GPC6: variants seen among roughly 807,000 people sequenced by gnomAD.
The protein encoded by GPC6 is glypican 6, also known as glypican-6.
In GPC6, 14 loss-of-function variants were observed where a neutral mutation model predicts 55.2. The observed-to-expected ratio is 0.25, with a 90% CI of 0.17 to 0.40. The LOEUF is 0.40. GPC6 is among the 10% of genes least tolerant of loss of function. The pLI, the probability that GPC6 is intolerant of heterozygous loss-of-function variation, is 1.00. For synonymous variants in GPC6, 278 were observed against 259.6 expected (o/e 1.07, Z -0.68); for missense variants, 641 against 708.5 (o/e 0.90, Z 1.08).
At chr13:94,377,974 C>T (rs1425425161) in intron 6 of GPC6, among the ~76,000 whole-genome samples, 2 of 152,064 alleles carry the variant, frequency 1.3e-5, no homozygotes, top group Non-Finnish European at 2.9e-5. Context: ...CATATTCTCA[C>T]TCATAAGTGG....
At chr13:93,514,120 G>A (rs899645362) in intron 1 of GPC6, among the ~76,000 whole-genome samples, 1 of 151,852 alleles carries the variant, frequency 6.6e-6, no homozygotes, top group Non-Finnish European at 1.5e-5. Flanking sequence ...TGATCCACCC[G>A]CCTCAGCCTC....
At chr13:93,783,797 A>T (rs1885734675) in intron 2 of GPC6, among the ~76,000 whole-genome samples, 1 of 152,090 alleles carries the variant, frequency 6.6e-6, no homozygotes, top group Non-Finnish European at 1.5e-5. Context: ...GAACATATTT[A>T]TGCTTCTGTG....
chr13:94,189,726 T>TA (rs1297376906), intron 4 of GPC6, among the ~76,000 whole-genome samples: 1 of 152,110 alleles, frequency 6.6e-6, no homozygotes, highest in Non-Finnish European at 1.5e-5. Flanking sequence ...CTCTTCTCAT[T>TA]AAAATGTATG....
At chr13:93,801,126 G>C (rs1013243679) in intron 2 of GPC6, among the ~76,000 whole-genome samples, 1 of 152,124 alleles carries the variant, frequency 6.6e-6, no homozygotes, top group Admixed American at 6.6e-5. Flanking sequence ...TAAAAATATG[G>C]TTTGCCTGAA....
At chr13:93,381,417 T>C (rs1330333926) in intron 1 of GPC6, among the ~76,000 whole-genome samples, 1 of 152,138 alleles carries the variant, frequency 6.6e-6, no homozygotes, top group Non-Finnish European at 1.5e-5. Flanking sequence ...TCAGAAAGCA[T>C]TGTCTAATAT....
chr13:93,231,405 A>G (rs1337832964), intron 1 of GPC6, among the ~76,000 whole-genome samples: 76 of 35,262 alleles, frequency 2.2e-3, no homozygotes, highest in African/African-American at 9.2e-3. Flanking sequence ...ATGTATATAT[A>G]TATATATATA....
At chr13:93,240,929 T>C (rs1594047525) in intron 1 of GPC6, among the ~76,000 whole-genome samples, 1 of 152,170 alleles carries the variant, frequency 6.6e-6, no homozygotes, top group Non-Finnish European at 1.5e-5. Context: ...AAATTCTTGG[T>C]GACCATTACT....
intron 4 of GPC6, among the ~76,000 whole-genome samples, chr13:94,167,977 T>C (rs1888423668): frequency 6.6e-6 from 1 of 152,260 alleles, no homozygotes; most frequent in Non-Finnish European, 1.5e-5. Context: ...ATTCTCACTA[T>C]ATCATAGGTT....
At chr13:94,151,664 A>G (rs548117609) in intron 4 of GPC6, among the ~76,000 whole-genome samples, 1 of 152,230 alleles carries the variant, frequency 6.6e-6, no homozygotes, top group South Asian at 2.1e-4. Flanking sequence ...GTGATGGCAG[A>G]GAGATGTCTT....
chr13:93,944,700 G>A (rs892293337), intron 3 of GPC6, among the ~76,000 whole-genome samples: 1 of 152,122 alleles, frequency 6.6e-6, no homozygotes, highest in African/African-American at 2.4e-5. Context: ...TGTTAGTTGC[G>A]CTATATCCTG....
At chr13:93,630,493 C>A (rs865870309) in intron 2 of GPC6, among the ~76,000 whole-genome samples, 1 of 152,116 alleles carries the variant, frequency 6.6e-6, no homozygotes, top group Non-Finnish European at 1.5e-5. Context: ...AATAGTCACA[C>A]CCTACTGGCA....
At chr13:93,653,730 A>G (rs190858264) in intron 2 of GPC6, among the ~76,000 whole-genome samples, 2 of 152,258 alleles carry the variant, frequency 1.3e-5, no homozygotes, top group Admixed American at 1.3e-4. Context: ...TTAATCTCAA[A>G]GCTCCAAGTT....
chr13:94,066,761 C>A (rs1427769467), intron 4 of GPC6, among the ~76,000 whole-genome samples: 2 of 152,178 alleles, frequency 1.3e-5, no homozygotes, highest in African/African-American at 4.8e-5. Flanking sequence ...TGACACATCC[C>A]TTTCCGCAAG....
rs557560792 is a variant in GPC6, at chr13:93,633,269, T to C, written c.319+87848T>C. 2.6e-5 allele frequency among the ~76,000 whole-genome samples: 4 copies of C among 152,310 alleles called. No homozygotes were observed. The South Asian group carries it at 8.3e-4, about 32-fold the overall frequency. On this transcript the variant is annotated intron_variant, in intron 2 of 8. Coordinates refer to ENST00000377047, the MANE Select transcript of GPC6 (RefSeq NM_005708.5). ...CATGGGACACTGACTATTGTAAAATTCTCATCTTTCCTTGTCCCAAATTTT... is the reference window on the plus strand; with the variant it reads ...CATGGGACACTGACTATTGTAAAATCCTCATCTTTCCTTGTCCCAAATTTT...
intron 4 of GPC6, among the ~76,000 whole-genome samples, chr13:94,149,494 A>G (rs1417898744): frequency 3.9e-5 from 6 of 152,176 alleles, no homozygotes; most frequent in Non-Finnish European, 7.4e-5. Flanking sequence ...ATGAACTGCT[A>G]CAGTCCAAAC....
intron 4 of GPC6, among the ~76,000 whole-genome samples, chr13:94,052,654 C>T (rs148586025): frequency 3.0e-4 from 45 of 152,152 alleles, no homozygotes; most frequent in Admixed American, 1.8e-3. Flanking sequence ...AAGTCTGTAC[C>T]GATTTGTACA....
intron 1 of GPC6, among the ~76,000 whole-genome samples, chr13:93,470,582 T>G (rs953595923): frequency 1.3e-4 from 20 of 152,134 alleles, no homozygotes; most frequent in African/African-American, 4.8e-4. Context: ...ATAGTTTACT[T>G]TTTTGTTCTT....
intron 4 of GPC6, among the ~76,000 whole-genome samples, chr13:94,205,464 G>T (rs1889873327): frequency 6.6e-6 from 1 of 152,192 alleles, no homozygotes; most frequent in African/African-American, 2.4e-5. Flanking sequence ...ACACCAAGAG[G>T]CCTATTTGTT....
At chr13:93,891,932 A>G (rs1362255381) in intron 3 of GPC6, among the ~76,000 whole-genome samples, 1 of 151,836 alleles carries the variant, frequency 6.6e-6, no homozygotes, top group African/African-American at 2.4e-5. Flanking sequence ...GTGTGAGTAT[A>G]TAGTGTATGC....
Sources: gnomAD v4.1 joint callset for allele counts (sites outside exome capture counted in the v4.1 genomes callset) on GRCh38, gnomAD v4.1.1 for gene constraint, MANE v1.5 for transcripts, NCBI Gene and HGNC (gene_info 2026-07-23, HGNC 2026-07-21) for gene names.